Variants in HEATR4 observed in about 807,000 individuals in gnomAD.
HEATR4 encodes HEAT repeat-containing protein 4.
HEATR4 carries 95 observed loss-of-function variants against 108.8 expected under a neutral mutation model. The ratio of observed to expected loss-of-function variants is 0.87; its 90% CI spans 0.74 to 1.04. The LOEUF (loss-of-function observed/expected upper bound fraction) is 1.04, where lower values mean the gene tolerates loss of function less well. Ranked by LOEUF, HEATR4 falls within the 50% of genes least tolerant of loss-of-function variation. The pLI is 0.00. For synonymous variants in HEATR4, 443 were observed against 459.4 expected (o/e 0.96, Z 0.46); for missense variants, 1,152 against 1,253.8 (o/e 0.92, Z 1.23).
the HEATR4 span, among the ~76,000 whole-genome samples, chr14:73,631,232 T>C: frequency 6.6e-6 from 1 of 152,232 alleles, no homozygotes; most frequent in Non-Finnish European, 1.5e-5. Context: ...CCTGGGTTAA[T>C]TCACCTCATT....
chr14:73,569,119 A>C, the HEATR4 span: 2 of 1,195,782 alleles, frequency 1.7e-6, no homozygotes, highest in South Asian at 2.9e-5. Context: ...AGGAGACTTT[A>C]AGCAAGTTCC....
At chr14:73,606,729 A>T in the HEATR4 span, among the ~76,000 whole-genome samples, 1 of 152,180 alleles carries the variant, frequency 6.6e-6, no homozygotes, top group African/African-American at 2.4e-5. Flanking sequence ...AACATCACTC[A>T]GATATCAAAC....
intron 17 of HEATR4, chr14:73,491,431 G>C (rs948771223): frequency 3.9e-5 from 53 of 1,349,478 alleles, no homozygotes; most frequent in Non-Finnish European, 4.7e-5. Context: ...TGCCCGCCGC[G>C]CCGGTCCGGG....
chr14:73,491,005 G>T (rs764559814), intron 17 of HEATR4: 3 of 1,411,140 alleles, frequency 2.1e-6, no homozygotes, highest in Non-Finnish European at 1.9e-6. Flanking sequence ...GGGAAGACTG[G>T]TGTGGTCTGG....
At chr14:73,524,938 A>G (rs1396001439) in intron 2 of HEATR4, among the ~76,000 whole-genome samples, 2 of 152,142 alleles carry the variant, frequency 1.3e-5, no homozygotes, top group Non-Finnish European at 2.9e-5. Context: ...TCCCTAGGGC[A>G]TGATTTCTCT....
chr14:73,500,596 C>A lies in HEATR4; in HGVS notation c.2240G>T (p.Arg747Leu), dbSNP rs201799912. 1 of 1,613,930 alleles carries A rather than the reference C, an allele frequency of 6.2e-7. No individual in the cohort carries two copies. The highest frequency in any genetic ancestry group is 2.2e-5 in the East Asian group (1 of 44,884). Residue 747 changes from arginine to leucine, a missense_variant, in exon 12 of 18, where the codon CGG (arginine) becomes CTG (leucine). Arg to Leu is a moderately radical substitution (Grantham distance 102). Transcript: ENST00000553558. Reference protein sequence around the residue: ...CFSDDFTAVRRAACLAAGALQ... With the variant: ...CFSDDFTAVRLAACLAAGALQ... ...GGCACCAGCTGCCAAACAGGCTGCC[C>A]GCCGAACTGCTGTGAAGTCATCAGA...
At chr14:73,617,387 G>A in the HEATR4 span, among the ~76,000 whole-genome samples, 4 of 152,134 alleles carry the variant, frequency 2.6e-5, no homozygotes, top group Admixed American at 1.3e-4. Flanking sequence ...GGCTGAGGCC[G>A]GGGGATTGCT....
intron 16 of HEATR4, among the ~76,000 whole-genome samples, chr14:73,494,460 T>TA (rs1299838161): frequency 6.6e-6 from 1 of 152,250 alleles, no homozygotes; most frequent in Non-Finnish European, 1.5e-5. Flanking sequence ...AAATTCTTTT[T>TA]AAAAAAGTTA....
intron 2 of HEATR4, among the ~76,000 whole-genome samples, chr14:73,524,310 A>AAAAAATATATATATATAT: frequency 9.1e-5 from 5 of 54,778 alleles, no homozygotes; most frequent in South Asian, 7.9e-4. Context: ...AAAAAAAAAA[A>AAAAAATATATATATATAT]ATATATATAT....
chr14:73,522,143 G>A (rs1888010938), intron 3 of HEATR4, 129 bp downstream of exon 3: 6 of 953,018 alleles, frequency 6.3e-6, no homozygotes, highest in Non-Finnish European at 9.6e-6. Context: ...TCAGAGAGCA[G>A]GCCGGTGGTG....
chr14:73,529,365 A>AAG (rs1490053982), intron 2 of HEATR4, among the ~76,000 whole-genome samples: 1 of 150,280 alleles, frequency 6.7e-6, no homozygotes, highest in Admixed American at 6.7e-5. Context: ...AAAAAAAAAA[A>AAG]AAAAAAAAAA....
intron 1 of HEATR4, among the ~76,000 whole-genome samples, chr14:73,540,787 A>G (rs1595156296): frequency 1.0e-5 from 1 of 97,848 alleles, no homozygotes; most frequent in South Asian, 3.1e-4. Context: ...TCTTTCGCCC[A>G]GGCTGGAGTA....
chr14:73,603,758 G>A, the HEATR4 span, among the ~76,000 whole-genome samples: 3 of 149,556 alleles, frequency 2.0e-5, no homozygotes, highest in Admixed American at 1.3e-4. Context: ...TTTTTTAGAC[G>A]GAGTCTTGCT....
the HEATR4 span, chr14:73,595,436 C>A: frequency 6.2e-7 from 1 of 1,614,086 alleles, no homozygotes; most frequent in African/African-American, 1.3e-5. Flanking sequence ...AAAGGAAAAA[C>A]CCCAGATCAT....
the HEATR4 span, among the ~76,000 whole-genome samples, chr14:73,586,665 A>G: frequency 6.6e-6 from 1 of 150,816 alleles, no homozygotes; most frequent in Non-Finnish European, 1.5e-5. Context: ...AAGATGCACC[A>G]CTGCACTGCA....
At chr14:73,501,443 T>TG (rs1035875779) in intron 11 of HEATR4, among the ~76,000 whole-genome samples, 5 of 151,698 alleles carry the variant, frequency 3.3e-5, no homozygotes, top group African/African-American at 7.3e-5. Context: ...TTTTTAGAGA[T>TG]GGGGTCTTGC....
At chr14:73,568,944 C>A in the HEATR4 span, 3 of 458,974 alleles carry the variant, frequency 6.5e-6, no homozygotes, top group South Asian at 6.2e-5. Flanking sequence ...AAAACTAACT[C>A]CAGCTCTGCA....
In HEATR4 at chr14:73,525,212, T is replaced by C. The variant is rs1273097778; in HGVS notation, c.-72-1988A>G. Among the ~76,000 whole-genome samples, 3 of 152,086 alleles carry C rather than the reference T, an allele frequency of 2.0e-5. No homozygotes were observed. The East Asian group carries it at 5.8e-4, about 29-fold the overall frequency. On this transcript the variant is annotated intron_variant, in intron 2 of 17. Coordinates refer to ENST00000553558, the MANE Select transcript of HEATR4 (RefSeq NM_001220484.1). Reference sequence around the variant, plus strand: ...ACACCCAGCTATCTGTTTTTTATTTTTAATAGAGATGGGGTCTCACTATGT... The same window carrying C: ...ACACCCAGCTATCTGTTTTTTATTTCTAATAGAGATGGGGTCTCACTATGT...
At chr14:73,500,525 ATGAG>A in intron 12 of HEATR4, 21 bp downstream of exon 12, 1 of 1,606,620 alleles carries the variant, frequency 6.2e-7, no homozygotes. Context: ...ATCAGGTAAG[ATGAG>A]AATATGTTTC....
Sources: allele counts gnomAD v4.1 joint callset (sites outside exome capture counted in the v4.1 genomes callset), GRCh38; gene constraint gnomAD v4.1.1; transcripts MANE v1.5; gene names NCBI Gene and HGNC (gene_info 2026-07-23, HGNC 2026-07-21).